Variants in STAMBPL1 observed in about 807,000 individuals in gnomAD.
STAMBPL1 encodes the protein AMSH-like protease.
STAMBPL1 carries 44 observed loss-of-function variants against 52.9 expected under a neutral mutation model. The ratio of observed to expected loss-of-function variants is 0.83; its 90% CI spans 0.65 to 1.07. STAMBPL1 has a LOEUF of 1.07. STAMBPL1 is among the 50% of genes least tolerant of loss of function. STAMBPL1 has a pLI of 0.00. For missense variants in STAMBPL1, 511 were observed against 520.8 expected (o/e 0.98, Z 0.18); for synonymous variants, 164 against 177.3 (o/e 0.92, Z 0.60).
At chr10:88,912,091 C>T (rs913069117) in intron 5 of STAMBPL1, among the ~76,000 whole-genome samples, 7 of 152,138 alleles carry the variant, frequency 4.6e-5, no homozygotes, top group African/African-American at 1.7e-4. Context: ...AATAGCAGGA[C>T]TGAGCCTAGG....
intron 1 of STAMBPL1, among the ~76,000 whole-genome samples, chr10:88,895,634 A>T (rs970933506): frequency 6.6e-6 from 1 of 152,226 alleles, no homozygotes; most frequent in Non-Finnish European, 1.5e-5. Flanking sequence ...CTTTAGTTGA[A>T]TTCTTCTGGA....
chr10:88,889,666 GAAA>G (rs1200315007), intron 1 of STAMBPL1, among the ~76,000 whole-genome samples: 5 of 152,018 alleles, frequency 3.3e-5, no homozygotes, highest in Non-Finnish European at 7.4e-5. Flanking sequence ...AAAGATTGTG[GAAA>G]CAGTACACAA....
intron 1 of STAMBPL1, 101 bp downstream of exon 1, chr10:88,880,739 C>T (rs568449173): frequency 6.6e-6 from 1 of 152,218 alleles, no homozygotes; most frequent in Non-Finnish European, 1.5e-5. Context: ...CCGGCCCTTC[C>T]GCTGGCAGCG....
At chr10:88,901,814 T>A (rs999352139) in intron 2 of STAMBPL1, 76 bp downstream of exon 2, 26 of 1,412,838 alleles carry the variant, frequency 1.8e-5, no homozygotes, top group Non-Finnish European at 2.3e-5. Flanking sequence ...AAATGTGAAA[T>A]GAGTCACAAT....
intron 8 of STAMBPL1, among the ~76,000 whole-genome samples, chr10:88,917,452 A>C (rs2133209456): frequency 6.6e-6 from 1 of 152,282 alleles, no homozygotes; most frequent in South Asian, 2.1e-4. Context: ...CATGAGGTTA[A>C]ATCTTGGCTC....
intron 4 of STAMBPL1, 56 bp downstream of exon 4, chr10:88,908,833 T>C (rs1010444637): frequency 2.9e-6 from 4 of 1,381,056 alleles, no homozygotes; most frequent in African/African-American, 3.0e-5. Context: ...GTATCCATTA[T>C]TGATTCACCC....
At chr10:88,894,947 C>A (rs190264076) in intron 1 of STAMBPL1, among the ~76,000 whole-genome samples, 1 of 152,182 alleles carries the variant, frequency 6.6e-6, no homozygotes, top group Non-Finnish European at 1.5e-5. Context: ...CCAGAGGAAT[C>A]CTATGCTAAT....
At chr10:88,920,750 A>G (rs1307587125) in intron 8 of STAMBPL1, among the ~76,000 whole-genome samples, 1 of 152,124 alleles carries the variant, frequency 6.6e-6, no homozygotes, top group East Asian at 1.9e-4. Flanking sequence ...CCATTCTCCC[A>G]TTTATAGGAA....
At chr10:88,911,197 G>C (rs111381530) in intron 5 of STAMBPL1, among the ~76,000 whole-genome samples, 186 bp downstream of exon 5, 1 of 152,148 alleles carries the variant, frequency 6.6e-6, no homozygotes, top group Non-Finnish European at 1.5e-5. Context: ...CAACAATGTG[G>C]TATTTCTATT....
At chr10:88,915,865 T>C (rs1045987809) in intron 7 of STAMBPL1, among the ~76,000 whole-genome samples, 4 of 151,640 alleles carry the variant, frequency 2.6e-5, no homozygotes, top group Non-Finnish European at 4.4e-5. Flanking sequence ...AAGGAGGAGG[T>C]TGGATGGAGG....
chr10:88,918,308 C>T (rs199745113), intron 8 of STAMBPL1, among the ~76,000 whole-genome samples: 1,675 of 144,916 alleles, frequency 0.012, 33 homozygotes, highest in African/African-American at 0.043. Flanking sequence ...CACACACATA[C>T]ACACACACAC....
intron 1 of STAMBPL1, among the ~76,000 whole-genome samples, chr10:88,897,453 A>AAAGCAAGAAGGCAAGAGCTCTG (rs1427136397): frequency 6.6e-6 from 1 of 152,198 alleles, no homozygotes; most frequent in African/African-American, 2.4e-5. Flanking sequence ...GCTAGCAATA[A>AAAGCAAGAAGGCAAGAGCTCTG]AAGCAAGAAG....
chr10:88,902,866 G>A (rs1367861059), intron 2 of STAMBPL1, among the ~76,000 whole-genome samples: 1 of 152,148 alleles, frequency 6.6e-6, no homozygotes, highest in African/African-American at 2.4e-5. Context: ...ACCGCACCCG[G>A]CCCCTAATGT....
intron 3 of STAMBPL1, among the ~76,000 whole-genome samples, chr10:88,907,897 C>A (rs1177638079): frequency 1.3e-5 from 2 of 152,136 alleles, no homozygotes; most frequent in Non-Finnish European, 2.9e-5. Context: ...TTTACAGAAT[C>A]AGTAAGTATA....
intron 1 of STAMBPL1, chr10:88,901,273 T>G (rs767085946): frequency 6.5e-6 from 1 of 152,922 alleles, no homozygotes; most frequent in Non-Finnish European, 1.5e-5. Flanking sequence ...AAGGTTGAGT[T>G]TAAATCCAGA....
At chr10:88,897,975 G>A (rs1287762485) in intron 1 of STAMBPL1, among the ~76,000 whole-genome samples, 1 of 152,154 alleles carries the variant, frequency 6.6e-6, no homozygotes, top group Non-Finnish European at 1.5e-5. Context: ...TAGCACAAAT[G>A]GCAAGTGGTA....
At chr10:88,910,296 C>G (rs902993774) in intron 4 of STAMBPL1, among the ~76,000 whole-genome samples, 1 of 152,006 alleles carries the variant, frequency 6.6e-6, no homozygotes. Context: ...CCTTTGTATC[C>G]TCAACTCTAA....
intron 1 of STAMBPL1, among the ~76,000 whole-genome samples, chr10:88,881,246 AT>A (rs923977680): frequency 1.8e-4 from 27 of 152,002 alleles, no homozygotes; most frequent in African/African-American, 6.0e-4. Flanking sequence ...TCCAAAACAT[AT>A]TTTTTTCAGA....
intron 1 of STAMBPL1, among the ~76,000 whole-genome samples, chr10:88,896,180 A>C (rs915704124): frequency 2.6e-5 from 4 of 152,248 alleles, no homozygotes; most frequent in African/African-American, 9.6e-5. Flanking sequence ...AAGATAATTT[A>C]TCATCTATGT....
Sources: gnomAD v4.1 joint callset for allele counts (sites outside exome capture counted in the v4.1 genomes callset) on GRCh38, gnomAD v4.1.1 for gene constraint, MANE v1.5 for transcripts, NCBI Gene and HGNC (gene_info 2026-07-23, HGNC 2026-07-21) for gene names.